The following GAB2 variants were observed in gnomAD, a reference collection of about 807,000 sequenced individuals.
GAB2 encodes the protein GRB2-associated-binding protein 2.
Under a neutral mutation model 65.5 loss-of-function variants are expected in GAB2, and 26 were observed. The observed-to-expected ratio is 0.40, with a 90% CI of 0.29 to 0.55. The LOEUF (loss-of-function observed/expected upper bound fraction) is 0.55. Ranked by LOEUF, GAB2 falls within the 20% of genes least tolerant of loss-of-function variation. GAB2 has a pLI of 0.53. For synonymous variants in GAB2, 321 were observed against 329.6 expected (o/e 0.97, Z 0.28); for missense variants, 884 against 875.8 (o/e 1.01, Z -0.12).
chr11:78,348,937 CA>C (rs1856231906), intron 1 of GAB2, among the ~76,000 whole-genome samples: 1 of 152,124 alleles, frequency 6.6e-6, no homozygotes, highest in Non-Finnish European at 1.5e-5. Context: ...ATAAGCTGCA[CA>C]AAAAGTGTAC....
intron 1 of GAB2, chr11:78,341,988 CT>C (rs1856104462): frequency 2.0e-6 from 1 of 512,516 alleles, no homozygotes; most frequent in South Asian, 8.4e-5. Context: ...TTGTGTTCCC[CT>C]CCCTATGGAC....
chr11:78,337,478 A>C (rs2063730), intron 1 of GAB2, among the ~76,000 whole-genome samples: 28,066 of 152,140 alleles, frequency 0.18, 3,237 homozygotes, highest in East Asian at 0.41. Flanking sequence ...GAAAGTAATA[A>C]AAGAATGGAA....
intron 1 of GAB2, among the ~76,000 whole-genome samples, chr11:78,334,479 G>C (rs1243852564): frequency 1.3e-5 from 2 of 152,020 alleles, no homozygotes; most frequent in Non-Finnish European, 2.9e-5. Flanking sequence ...TTGATTTTTA[G>C]ATCCCACAAA....
intron 1 of GAB2, among the ~76,000 whole-genome samples, chr11:78,294,824 C>T (rs1342272144): frequency 6.6e-6 from 1 of 152,118 alleles, no homozygotes; most frequent in Non-Finnish European, 1.5e-5. Flanking sequence ...AGGACATAGG[C>T]ATGGGCAAGG....
chr11:78,398,214 G>A (rs4945274), intron 1 of GAB2, among the ~76,000 whole-genome samples: 38,773 of 152,124 alleles, frequency 0.25, 5,690 homozygotes, highest in East Asian at 0.41. Context: ...GGAAAGACAC[G>A]CTGTCTACCC....
rs574481079 is a variant in GAB2 at position 78,226,457 on chromosome 11, A to G, written c.1207+8T>C. On this transcript the variant is annotated splice_region_variant and intron_variant, in intron 4 of 9. Coordinates refer to ENST00000361507, the MANE Select transcript of GAB2 (RefSeq NM_080491.3). ...TCCCTCTGAGTCTCAGCTAGGACTT[A>G]TACTGACCTCGGTGAAGTCGGCTGT... The G allele has an allele frequency of 6.7e-5, 107 of 1,605,824 alleles. 1 individual carries two copies. The South Asian group carries it at 9.3e-4, about 14-fold the overall frequency.
At chr11:78,323,464 C>T (rs563238918) in intron 1 of GAB2, among the ~76,000 whole-genome samples, 1 of 152,106 alleles carries the variant, frequency 6.6e-6, no homozygotes, top group African/African-American at 2.4e-5. Context: ...CAGCCGAGAT[C>T]ATGCCACTGC....
At position 78,222,205 on chromosome 11, in the gene GAB2, G is replaced by A; in HGVS notation, c.1568-10C>T. ...AGTGGTGTTGGCTTTGCTGGAGCAG[G>A]AAAAGAAAGTCTGGTAATCAGCCAG... On this transcript the variant is annotated splice_polypyrimidine_tract_variant and intron_variant, in intron 6 of 9. Coordinates refer to ENST00000361507, the MANE Select transcript of GAB2 (RefSeq NM_080491.3). 1 of 1,596,496 alleles carries A rather than the reference G, an allele frequency of 6.3e-7. No individual in the cohort carries two copies. Among genetic ancestry groups the A allele is most frequent in the Non-Finnish European group, 8.6e-7 (1 of 1,163,944 alleles).
In GAB2 at chr11:78,216,793, C is replaced by G. The variant is rs1433315048; in HGVS notation, c.*2479G>C. On this transcript the variant is annotated 3_prime_UTR_variant, in exon 10 of 10. Coordinates refer to ENST00000361507, the MANE Select transcript of GAB2 (RefSeq NM_080491.3). ...GGCTGCTGCGGGTACAGGGAAGGCA[C>G]CAGTTAAAAGCTCTGTCGTATGGGG... 1 of 152,264 alleles carries G rather than the reference C, an allele frequency of 6.6e-6. No individual in the cohort carries two copies. Among genetic ancestry groups the G allele is most frequent in the East Asian group, 1.9e-4 (1 of 5,194 alleles). 9.4% of individuals were successfully genotyped at this position (152,264 alleles called of 1,614,324 possible). A position where few individuals can be genotyped will look rare whatever the true frequency, so the allele number is the denominator to read the frequency against.
intron 1 of GAB2, among the ~76,000 whole-genome samples, chr11:78,349,084 T>C (rs576103824): frequency 8.8e-4 from 134 of 152,368 alleles, no homozygotes; most frequent in Middle Eastern, 3.4e-3. Context: ...GCCAATGTTC[T>C]ACATCTTCAA....
At chr11:78,227,940 G>C (rs528275451) in intron 3 of GAB2, among the ~76,000 whole-genome samples, 2 of 152,214 alleles carry the variant, frequency 1.3e-5, no homozygotes, top group Non-Finnish European at 2.9e-5. Context: ...AAATCTATAT[G>C]AAGAATGGTT....
At chr11:78,328,313 C>T (rs1232205498) in intron 1 of GAB2, among the ~76,000 whole-genome samples, 8 of 152,216 alleles carry the variant, frequency 5.3e-5, no homozygotes, top group Non-Finnish European at 1.0e-4. Flanking sequence ...CATTAAGCAG[C>T]CATCAAAAAC....
intron 1 of GAB2, among the ~76,000 whole-genome samples, chr11:78,332,998 ATC>A (rs984112918): frequency 2.6e-5 from 4 of 152,160 alleles, no homozygotes; most frequent in African/African-American, 9.7e-5. Flanking sequence ...CAGATCAAGA[ATC>A]TCTTATAATT....
chr11:78,362,977 T>C (rs548386874), intron 1 of GAB2, among the ~76,000 whole-genome samples: 1 of 152,094 alleles, frequency 6.6e-6, no homozygotes, highest in Non-Finnish European at 1.5e-5. Context: ...AAAGCAAGAA[T>C]TGCCATTACT....
intron 1 of GAB2, among the ~76,000 whole-genome samples, chr11:78,386,887 G>T (rs1315139589): frequency 2.6e-5 from 4 of 152,256 alleles, no homozygotes; most frequent in Non-Finnish European, 1.5e-5. Context: ...TGTCAAGGAA[G>T]TTGGAAGGCA....
intron 1 of GAB2, among the ~76,000 whole-genome samples, chr11:78,303,651 G>T (rs535464073): frequency 2.9e-4 from 44 of 152,214 alleles, no homozygotes; most frequent in South Asian, 1.2e-3. Context: ...TTGGTCCTTT[G>T]CATTTCCATA....
In GAB2 at chr11:78,307,957, G is replaced by A. The variant is rs4944197; in HGVS notation, c.76-27056C>T. Among the ~76,000 whole-genome samples, 661 of 152,214 alleles carry A rather than the reference G, an allele frequency of 4.3e-3. 5 individuals are homozygous for A. Among genetic ancestry groups the A allele is most frequent in the Non-Finnish European group, 6.0e-3 (406 of 68,002 alleles). The stretch of plus-strand genomic sequence containing the variant: ...AGATCCATTCTCACCCAGTGTGGGT[G>A]AGCACCATCCAATTTGTTGAGAGCC... On this transcript the variant is annotated intron_variant, in intron 1 of 9. Transcript: ENST00000361507.
intron 1 of GAB2, among the ~76,000 whole-genome samples, chr11:78,313,285 C>T (rs914256102): frequency 1.3e-5 from 2 of 152,038 alleles, no homozygotes; most frequent in Non-Finnish European, 2.9e-5. Flanking sequence ...CACAATAAAG[C>T]AAAGACTGAA....
At chr11:78,406,491 C>T (rs1012986456) in intron 1 of GAB2, among the ~76,000 whole-genome samples, 11 of 152,044 alleles carry the variant, frequency 7.2e-5, no homozygotes, top group African/African-American at 2.7e-4. Context: ...AATTCTCTCA[C>T]CTCAGCCTCC....
Sources: allele counts gnomAD v4.1 joint callset (sites outside exome capture counted in the v4.1 genomes callset), GRCh38; gene constraint gnomAD v4.1.1; transcripts MANE v1.5; gene names NCBI Gene and HGNC (gene_info 2026-07-23, HGNC 2026-07-21).